SLC25A31: variants seen among roughly 807,000 people sequenced by gnomAD.
SLC25A31 encodes solute carrier family 25 member 31, also known as ADP/ATP translocase 4.
A neutral mutation model predicts 36.2 loss-of-function variants in SLC25A31; 40 were observed. The ratio of observed to expected loss-of-function variants is 1.10; its 90% CI spans 0.86 to 1.44. The LOEUF is 1.44. SLC25A31 is among the 40% of genes most tolerant of loss of function. The probability of loss-of-function intolerance (pLI) is 0.00; values close to 1 mark genes in which losing one functional copy is unlikely to be tolerated. For missense variants in SLC25A31, 350 were observed against 397.1 expected, an observed-to-expected ratio of 0.88 and a Z score of 1.01; for synonymous variants, 143 against 149.7, an observed-to-expected ratio of 0.96 and a Z score of 0.32.
intron 3 of SLC25A31, among the ~76,000 whole-genome samples, chr4:127,765,266 C>G (rs927597996): frequency 9.2e-5 from 14 of 152,122 alleles, no homozygotes; most frequent in Non-Finnish European, 1.9e-4. Context: ...CCTCTAATTT[C>G]TAAGTCTTTC....
intron 1 of SLC25A31, among the ~76,000 whole-genome samples, chr4:127,735,920 C>T (rs1329760164): frequency 2.3e-5 from 3 of 128,064 alleles, no homozygotes; most frequent in East Asian, 2.5e-4. Flanking sequence ...GACGGAGTCT[C>T]GCTCTGTCGC....
chr4:127,754,993 T>C (rs1156510967), intron 2 of SLC25A31, among the ~76,000 whole-genome samples: 1 of 152,144 alleles, frequency 6.6e-6, no homozygotes, highest in Admixed American at 6.5e-5. Flanking sequence ...TAAACTCACA[T>C]ATCTATGGTC....
At chr4:127,733,468 C>A (rs1731568059) in intron 1 of SLC25A31, among the ~76,000 whole-genome samples, 1 of 152,134 alleles carries the variant, frequency 6.6e-6, no homozygotes, top group African/African-American at 2.4e-5. Context: ...TAGTGATGCT[C>A]AACCTGTGTC....
chr4:127,768,574 A>T (rs1270828035), intron 4 of SLC25A31, among the ~76,000 whole-genome samples, 178 bp from the exon 5 acceptor site: 6 of 152,130 alleles, frequency 3.9e-5, no homozygotes, highest in Admixed American at 3.9e-4. Context: ...CCTTTGAAAT[A>T]TAGTCATGTG....
chr4:127,747,826 G>A (rs1168497529), intron 2 of SLC25A31, among the ~76,000 whole-genome samples: 1 of 152,118 alleles, frequency 6.6e-6, no homozygotes, highest in African/African-American at 2.4e-5. Flanking sequence ...GTGACTAGAA[G>A]GACATATAGA....
chr4:127,740,762 G>C (rs1490555026), intron 1 of SLC25A31, among the ~76,000 whole-genome samples: 2 of 152,208 alleles, frequency 1.3e-5, no homozygotes, highest in African/African-American at 2.4e-5. Context: ...GGGTGACTCA[G>C]GCTGCCAATG....
intron 2 of SLC25A31, among the ~76,000 whole-genome samples, chr4:127,751,574 G>T (rs1731933645): frequency 6.6e-6 from 1 of 152,276 alleles, no homozygotes; most frequent in South Asian, 2.1e-4. Context: ...TGACAAATGG[G>T]ATCTAATTAA....
chr4:127,758,304 C>T (rs1227451661), intron 2 of SLC25A31, among the ~76,000 whole-genome samples: 2 of 152,076 alleles, frequency 1.3e-5, no homozygotes, highest in Admixed American at 6.6e-5. Flanking sequence ...TGTCTGTTCA[C>T]GTCCTTTGCC....
At chr4:127,749,527 CG>C (rs1263545420) in intron 2 of SLC25A31, among the ~76,000 whole-genome samples, 2 of 151,942 alleles carry the variant, frequency 1.3e-5, no homozygotes, top group Non-Finnish European at 2.9e-5. Flanking sequence ...AGGCGGATCA[CG>C]AGGTCAGCAG....
intron 1 of SLC25A31, among the ~76,000 whole-genome samples, chr4:127,735,471 A>G (rs1731606502): frequency 6.6e-6 from 1 of 152,030 alleles, no homozygotes; most frequent in South Asian, 2.1e-4. Flanking sequence ...TTTTGTTTAC[A>G]GTTTTTTATT....
intron 2 of SLC25A31, among the ~76,000 whole-genome samples, chr4:127,758,934 G>A (rs1732079337): frequency 6.6e-6 from 1 of 151,908 alleles, no homozygotes; most frequent in Non-Finnish European, 1.5e-5. Context: ...TTTTTGCGTG[G>A]GATTCCTTTG....
At chr4:127,745,546 C>G (rs1467522828) in intron 2 of SLC25A31, among the ~76,000 whole-genome samples, 2 of 152,138 alleles carry the variant, frequency 1.3e-5, no homozygotes, top group Non-Finnish European at 2.9e-5. Context: ...CCTCAGCCAA[C>G]CAAGCTGTCT....
chr4:127,754,762 A>G lies in SLC25A31; in HGVS notation c.361-9481A>G, dbSNP rs963872376. Among the ~76,000 whole-genome samples, 3 of 152,198 alleles carry G rather than the reference A, an allele frequency of 2.0e-5. No homozygotes were observed. In the East Asian group the frequency reaches 5.8e-4, roughly 29 times the overall value. ...CCCTACTATCCAAAATAATCTACAG[A>G]TGCAGTGCTGTTTCTATCAAAATTC... On this transcript the variant is annotated intron_variant, in intron 2 of 5. Transcript: ENST00000281154.
At chr4:127,753,483 G>C (rs927730262) in intron 2 of SLC25A31, among the ~76,000 whole-genome samples, 7 of 152,076 alleles carry the variant, frequency 4.6e-5, no homozygotes, top group African/African-American at 1.7e-4. Flanking sequence ...AGACATTGTA[G>C]CTGAAACCTA....
In SLC25A31 at chr4:127,730,464, T is replaced by A; in HGVS notation, c.-82T>A. The A allele has an allele frequency of 7.0e-7, 1 of 1,421,700 alleles. No homozygotes were observed. Among genetic ancestry groups the A allele is most frequent in the Non-Finnish European group, 9.7e-7 (1 of 1,027,160 alleles). The allele number at this position is 1,421,700 out of a possible 1,614,324, so 88.1% of individuals were successfully genotyped here. ...CTCGCCAGTACGATGCTGCAGCGGT[T>A]TTCCGGTTTTCCGCTTCCCTTCATC... On this transcript the variant is annotated 5_prime_UTR_variant, in exon 1 of 6. Coordinates refer to ENST00000281154, the MANE Select transcript of SLC25A31 (RefSeq NM_031291.4).
At chr4:127,744,936 GT>G in intron 2 of SLC25A31, 137 bp downstream of exon 2, 1 of 614,610 alleles carries the variant, frequency 1.6e-6, no homozygotes, top group Non-Finnish European at 2.4e-6. Flanking sequence ...TAACTGTGAT[GT>G]TTTATTTGGG....
chr4:127,767,077 C>G lies in SLC25A31; in HGVS notation c.490C>G (p.Arg164Gly). The part of the protein sequence containing the change: ...GVDIGKGPEE[R>G]QFKGLGDCIM... ...TGGCTTTATTTTAGGTCCTGAGGAG[C>G]GACAATTCAAGGGTTTAGGTGACTG... is the stretch of plus-strand genomic sequence containing the variant. The change falls in exon 4 of 6, where the codon CGA (arginine) becomes GGA (glycine). Residue 164 changes from arginine to glycine, a missense_variant. Physicochemically the swap from Arg to Gly is moderately radical, Grantham distance 125 (BLOSUM62 -2). Transcript: ENST00000281154. 4.4e-6 allele frequency: 7 copies of G among 1,608,176 alleles called. No homozygotes were observed. The highest frequency in any genetic ancestry group is 5.9e-6 in the Non-Finnish European group (7 of 1,177,562).
intron 5 of SLC25A31, among the ~76,000 whole-genome samples, chr4:127,769,736 G>A (rs1377802987): frequency 1.3e-5 from 2 of 152,168 alleles, no homozygotes; most frequent in Non-Finnish European, 2.9e-5. Context: ...AATACATAGA[G>A]GAGGGTTGCC....
chr4:127,769,361 G>A (rs1732306984), intron 5 of SLC25A31, among the ~76,000 whole-genome samples: 1 of 152,082 alleles, frequency 6.6e-6, no homozygotes, highest in Admixed American at 6.5e-5. Flanking sequence ...GTTATTACCA[G>A]TTGACCATCC....
Sources: allele counts gnomAD v4.1 joint callset (sites outside exome capture counted in the v4.1 genomes callset), GRCh38; gene constraint gnomAD v4.1.1; transcripts MANE v1.5; gene names NCBI Gene and HGNC (gene_info 2026-07-23, HGNC 2026-07-21).